Variants in ZNF280D observed in about 807,000 individuals in gnomAD.
ZNF280D encodes the protein zinc finger protein 280D.
In ZNF280D, 39 loss-of-function variants were observed where a neutral mutation model predicts 94.7. The observed-to-expected ratio is 0.41, with a 90% CI of 0.32 to 0.54. The LOEUF is 0.54. Among genes scored for constraint, ZNF280D ranks in the 20% least tolerant of loss-of-function variants. ZNF280D has a pLI of 0.22. For synonymous variants in ZNF280D, 398 were observed against 377.6 expected, an observed-to-expected ratio of 1.05 and a Z score of -0.63; for missense variants, 1,090 against 1,149.3, an observed-to-expected ratio of 0.95 and a Z score of 0.75.
At chr15:56,732,356 A>T (rs918265011) in intron 1 of ZNF280D, among the ~76,000 whole-genome samples, 22 of 152,202 alleles carry the variant, frequency 1.4e-4, no homozygotes, top group Non-Finnish European at 2.6e-4. Flanking sequence ...TAGTGATGTT[A>T]AAACATCAGA....
intron 19 of ZNF280D, chr15:56,653,494 C>T: frequency 6.6e-7 from 1 of 1,515,984 alleles, no homozygotes; most frequent in Non-Finnish European, 8.8e-7. Context: ...TCAAATTATT[C>T]ACATTCCTTG....
intron 3 of ZNF280D, among the ~76,000 whole-genome samples, chr15:56,705,468 T>G (rs2057349185): frequency 6.6e-6 from 1 of 152,172 alleles, no homozygotes; most frequent in Admixed American, 6.5e-5. Context: ...AAATCTTTCC[T>G]CCACTGTTTC....
At chr15:56,688,591 T>C (rs2056215296) in intron 9 of ZNF280D, among the ~76,000 whole-genome samples, 1 of 151,954 alleles carries the variant, frequency 6.6e-6, no homozygotes. Context: ...TGCTTCAACA[T>C]TTGGAGTTTA....
chr15:56,698,495 A>G (rs2056878600), intron 6 of ZNF280D: 3 of 152,176 alleles, frequency 2.0e-5, no homozygotes, highest in African/African-American at 4.8e-5. Flanking sequence ...TGTTTGCCAA[A>G]CAATCAAGAT....
chr15:56,722,315 G>A (rs552923206), intron 1 of ZNF280D, among the ~76,000 whole-genome samples: 16 of 152,232 alleles, frequency 1.1e-4, no homozygotes, highest in African/African-American at 1.7e-4. Flanking sequence ...TCACGCTGTT[G>A]GAAAAATGGC....
rs745887343 is a variant in ZNF280D at position 56,700,841 on chromosome 15, G to A, written c.381+92C>T. On this transcript the variant is annotated intron_variant, in intron 6 of 21. Coordinates refer to ENST00000267807, the MANE Select transcript of ZNF280D (RefSeq NM_017661.4). ...ATGCTTCTACTGGATGACTACTTAT[G>A]ACAGTCCAGAATTGTAACTGGGTAC... 5.0e-6 allele frequency: 8 copies of A among 1,604,874 alleles called. No homozygotes were observed. The African/African-American group carries it at 9.4e-5, about 19-fold the overall frequency.
At chr15:56,652,709 T>C (rs755384557) in intron 19 of ZNF280D, 13 of 985,246 alleles carry the variant, frequency 1.3e-5, no homozygotes, top group Non-Finnish European at 1.6e-5. Context: ...AATACGTAAC[T>C]TTAAAACTGG....
chr15:56,707,767 T>C (rs747533341), intron 1 of ZNF280D, among the ~76,000 whole-genome samples: 1 of 152,042 alleles, frequency 6.6e-6, no homozygotes, highest in African/African-American at 2.4e-5. Flanking sequence ...ATTGGAAATA[T>C]TTCATCATAG....
intron 1 of ZNF280D, among the ~76,000 whole-genome samples, chr15:56,726,560 T>G (rs1423596060): frequency 6.6e-6 from 1 of 152,166 alleles, no homozygotes; most frequent in Admixed American, 6.5e-5. Flanking sequence ...TTTTCCTACA[T>G]CTTGAAATAT....
In ZNF280D at chr15:56,732,540, T is replaced by A. The variant is rs527877820; in HGVS notation, c.-86+918A>T. The A allele has an allele frequency of 1.1e-3, 173 of 152,168 alleles. 1 individual carries two copies. The highest frequency in any genetic ancestry group is 4.0e-3 in the African/African-American group (165 of 41,504). The allele number at this position is 152,168 out of a possible 1,614,324, so 9.4% of individuals were successfully genotyped here. ...TTCTAGCGTTCCATTTTATGTTTCA[T>A]GGCACTAAAAAAGACAAATTCTGTC... On this transcript the variant is annotated intron_variant, in intron 1 of 21. Coordinates refer to ENST00000267807, the MANE Select transcript of ZNF280D (RefSeq NM_017661.4).
At chr15:56,662,027 ATACCTTCC>A (rs1238380988) in intron 16 of ZNF280D, among the ~76,000 whole-genome samples, 1 of 152,188 alleles carries the variant, frequency 6.6e-6, no homozygotes, top group Non-Finnish European at 1.5e-5. Context: ...ATTGTATTAA[ATACCTTCC>A]TAGTAGGTAC....
At chr15:56,723,850 A>C (rs992179424) in intron 1 of ZNF280D, among the ~76,000 whole-genome samples, 38 of 109,732 alleles carry the variant, frequency 3.5e-4, no homozygotes, top group African/African-American at 9.6e-4. Context: ...TTAGCTGAAA[A>C]TATCGTAAGT....
intron 19 of ZNF280D, 117 bp from the exon 20 acceptor site, chr15:56,643,114 T>A (rs1348787778): frequency 1.7e-6 from 1 of 595,594 alleles, no homozygotes; most frequent in African/African-American, 1.9e-5. Flanking sequence ...CTAATGTACA[T>A]TTTATACTTT....
chr15:56,729,224 G>A (rs190671092), intron 1 of ZNF280D, among the ~76,000 whole-genome samples: 17 of 152,300 alleles, frequency 1.1e-4, no homozygotes, highest in African/African-American at 3.8e-4. Context: ...TATACGAAAT[G>A]ACAGAAAAAT....
At chr15:56,679,448 T>C (rs1277071498) in intron 10 of ZNF280D, among the ~76,000 whole-genome samples, 1 of 152,246 alleles carries the variant, frequency 6.6e-6, no homozygotes, top group Admixed American at 6.5e-5. Context: ...GGTTTACTGT[T>C]AGCACAGACT....
In ZNF280D at chr15:56,632,016, T is replaced by C. The variant is rs373615154; in HGVS notation, c.2422A>G (p.Lys808Glu). ...TCTGCAAGACAGGTTTCATTTTCCTTATCTGAAACTGTTATGCTTTCTTCA... is the reference window on the plus strand; with the variant it reads ...TCTGCAAGACAGGTTTCATTTTCCTCATCTGAAACTGTTATGCTTTCTTCA... ...KSEESITVSD[K>E]ENETCLADQE... The change falls in exon 22 of 22, where the codon AAG becomes GAG. Residue 808 changes from lysine to glutamate, a missense_variant. Lys to Glu is a moderately conservative substitution (Grantham distance 56). Coordinates refer to ENST00000267807, the MANE Select transcript of ZNF280D (RefSeq NM_017661.4). 6.2e-7 allele frequency: 1 copy of C among 1,613,930 alleles called. No homozygotes were observed. The highest frequency in any genetic ancestry group is 1.3e-5 in the African/African-American group (1 of 74,944).
At chr15:56,705,009 A>G (rs1283730514) in intron 3 of ZNF280D, among the ~76,000 whole-genome samples, 1 of 152,048 alleles carries the variant, frequency 6.6e-6, no homozygotes, top group Non-Finnish European at 1.5e-5. Context: ...CAGGCACAGA[A>G]CACAGCAGGG....
At chr15:56,728,724 T>C (rs1190843292) in intron 1 of ZNF280D, among the ~76,000 whole-genome samples, 1 of 152,188 alleles carries the variant, frequency 6.6e-6, no homozygotes, top group African/African-American at 2.4e-5. Flanking sequence ...CTTACAACAA[T>C]TTTCAACTTT....
chr15:56,644,303 T>C (rs1252868475), intron 19 of ZNF280D, among the ~76,000 whole-genome samples: 2 of 152,066 alleles, frequency 1.3e-5, no homozygotes, highest in Admixed American at 1.3e-4. Context: ...TGCACAATAC[T>C]TATAAAGATG....
Sources: gnomAD v4.1 joint callset for allele counts (sites outside exome capture counted in the v4.1 genomes callset) on GRCh38, gnomAD v4.1.1 for gene constraint, MANE v1.5 for transcripts, NCBI Gene and HGNC (gene_info 2026-07-23, HGNC 2026-07-21) for gene names.